Variants in CREB3L1 observed in about 807,000 individuals in gnomAD.
The protein encoded by CREB3L1 is cAMP responsive element binding protein 3 like 1, also known as cyclic AMP-responsive element-binding protein 3-like protein 1.
CREB3L1 carries 33 observed loss-of-function variants against 54.5 expected under a neutral mutation model. The observed-to-expected ratio is 0.61, with a 90% confidence interval of 0.46 to 0.81. CREB3L1 has a LOEUF of 0.81. Ranked by LOEUF, CREB3L1 falls within the 30% of genes least tolerant of loss-of-function variation. CREB3L1 has a pLI of 0.00. For synonymous variants in CREB3L1, 284 were observed against 286.4 expected (o/e 0.99, Z 0.08); for missense variants, 656 against 673.3 (o/e 0.97, Z 0.29).
Position 46,317,393 on chromosome 11 carries a change from C to T in CREB3L1, c.1164C>T (p.Gly388=). Residue 388 remains glycine, a synonymous_variant, in exon 10 of 12, where the codon GGC becomes GGT. Transcript: ENST00000621158. ...CCTTGTGCTTTGTTCTGGTGCTGGGCTCCCTCGTGCCCTGCCTTCCCGAGT... is the reference window on the plus strand; with the variant it reads ...CCTTGTGCTTTGTTCTGGTGCTGGGTTCCCTCGTGCCCTGCCTTCCCGAGT... ...VAALCFVLVL[G]SLVPCLPEFS... The T allele has an allele frequency of 1.2e-6, 2 of 1,613,950 alleles. No individual in the cohort carries two copies. The highest frequency in any genetic ancestry group is 2.2e-5 in the South Asian group (2 of 91,086).
At chr11:46,298,340 C>G (rs535801383) in intron 1 of CREB3L1, among the ~76,000 whole-genome samples, 84 of 152,312 alleles carry the variant, frequency 5.5e-4, no homozygotes, top group African/African-American at 2.0e-3. Context: ...GGCAGCCCCC[C>G]ATCCCCCATC....
Position 46,318,134 on chromosome 11 carries a change from C to A in CREB3L1, c.1258+647C>A, listed in dbSNP as rs544932196. Among the ~76,000 whole-genome samples the A allele has an allele frequency of 3.9e-5, 6 of 152,238 alleles. No individual in the cohort carries two copies. The South Asian group carries it at 1.2e-3, about 32-fold the overall frequency. On this transcript the variant is annotated intron_variant, in intron 10 of 11. Transcript: ENST00000621158. Reference sequence around the variant, plus strand: ...TGAGAGGGGTGAGACAGGAGAATCACTTGAAACTGGGAGGCAGAAGTTGCA... The same window carrying A: ...TGAGAGGGGTGAGACAGGAGAATCAATTGAAACTGGGAGGCAGAAGTTGCA...
chr11:46,293,994 C>T lies in CREB3L1; in HGVS notation c.103-5941C>T, dbSNP rs368929673. 5.9e-5 allele frequency among the ~76,000 whole-genome samples: 9 copies of T among 152,202 alleles called. No individual in the cohort carries two copies. The South Asian group carries it at 1.9e-3, about 32-fold the overall frequency. ...GTGAGGGTATCTGTATGTGTGATAG[C>T]GCCTGTACAAGGCTGCACATGGAAC... On this transcript the variant is annotated intron_variant, in intron 1 of 11. Transcript: ENST00000621158.
Position 46,278,364 on chromosome 11 carries a change from G to C in CREB3L1, c.102+151G>C, listed in dbSNP as rs1231936597. 1.3e-5 allele frequency among the ~76,000 whole-genome samples: 2 copies of C among 152,190 alleles called. No homozygotes were observed. Among genetic ancestry groups the C allele is most frequent in the African/African-American group, 4.8e-5 (2 of 41,464 alleles). ...TCTCCAGGAGCGACATGTGTTTGGA[G>C]CTAAGCGCCCCTCCTGGGGGCTCAA... On this transcript the variant is annotated intron_variant, in intron 1 of 11. Coordinates refer to ENST00000621158, the MANE Select transcript of CREB3L1 (RefSeq NM_052854.4). The surrounding 1 kb of genome is among the most constrained non-coding windows in gnomAD (Gnocchi z 4.2).
At chr11:46,283,050 G>A (rs544950377) in intron 1 of CREB3L1, among the ~76,000 whole-genome samples, 1 of 152,148 alleles carries the variant, frequency 6.6e-6, no homozygotes, top group Admixed American at 6.5e-5. Context: ...AATGAGCCGG[G>A]CATGGTGGCA....
chr11:46,278,150 G>T lies in CREB3L1; in HGVS notation c.39G>T (p.Leu13=). 6.4e-7 allele frequency: 1 copy of T among 1,571,218 alleles called. No individual in the cohort carries two copies. The change falls in exon 1 of 12, where the codon CTG becomes CTT. Residue 13 remains leucine, a synonymous_variant. Transcript: ENST00000621158. This position sits in a 1 kb window ranked among gnomAD's most constrained non-coding sequence, Gnocchi z 4.2. ...AVLEPFPADR[L]FPGSSFLDLG... is the part of the protein sequence containing the mutation. ...TGGAACCCTTCCCGGCCGACAGGCT[G>T]TTCCCCGGATCCAGCTTCCTGGACT...
In CREB3L1 at chr11:46,311,087, C is replaced by T. The variant is rs372951534; in HGVS notation, c.651C>T (p.Asp217=). Residue 217 remains aspartate, a synonymous_variant, in exon 5 of 12, where the codon GAC becomes GAT. Transcript: ENST00000621158. ...TPPSSHGSDS[D]GSQSPRSLPP... ...CCAGCAGCCATGGCAGTGACAGCGACGGCTCCCAGAGTCCCCGCTCTCTGC... is the reference window on the plus strand; with the variant it reads ...CCAGCAGCCATGGCAGTGACAGCGATGGCTCCCAGAGTCCCCGCTCTCTGC... The T allele has an allele frequency of 7.0e-4, 1,120 of 1,609,700 alleles. No homozygotes were observed. The highest frequency in any genetic ancestry group is 8.7e-4 in the Non-Finnish European group (1,028 of 1,178,968).
In CREB3L1 at chr11:46,278,969, C is replaced by T. The variant is rs1938926567; in HGVS notation, c.102+756C>T. Among the ~76,000 whole-genome samples, 1 of 152,158 alleles carries T rather than the reference C, an allele frequency of 6.6e-6. No homozygotes were observed. Among genetic ancestry groups the T allele is most frequent in the Non-Finnish European group, 1.5e-5 (1 of 68,022 alleles). ...CTCTTCCCCTCCCTCCCTAAGGAAA[C>T]GTGGCTTCTCTCTCTTCTTCCCTCC... On this transcript the variant is annotated intron_variant, in intron 1 of 11. Transcript: ENST00000621158. This position sits in a 1 kb window ranked among gnomAD's most constrained non-coding sequence, Gnocchi z 4.2.
chr11:46,313,920 G>T (rs765740141), intron 8 of CREB3L1, among the ~76,000 whole-genome samples: 1 of 152,076 alleles, frequency 6.6e-6, no homozygotes, highest in Admixed American at 6.6e-5. Context: ...CTGTTTCTTC[G>T]TCTAAATGGG....
chr11:46,289,276 G>A (rs61885562), intron 1 of CREB3L1, among the ~76,000 whole-genome samples: 21 of 152,194 alleles, frequency 1.4e-4, no homozygotes, highest in Non-Finnish European at 2.5e-4. Context: ...CTACTTGAGA[G>A]GCTGAGGCAG....
intron 3 of CREB3L1, among the ~76,000 whole-genome samples, chr11:46,308,776 G>C (rs1194364224): frequency 6.6e-6 from 1 of 152,220 alleles, no homozygotes; most frequent in African/African-American, 2.4e-5. Context: ...CTGAAGGCAA[G>C]AAAGGTCAGC....
intron 3 of CREB3L1, among the ~76,000 whole-genome samples, chr11:46,308,514 C>T (rs1939436174): frequency 1.3e-5 from 2 of 152,212 alleles, no homozygotes; most frequent in Admixed American, 6.5e-5. Context: ...AACCCAAGAC[C>T]CCTCTGGGAA....
chr11:46,305,688 A>ATGTG (rs1277805429), intron 2 of CREB3L1, among the ~76,000 whole-genome samples: 18 of 71,860 alleles, frequency 2.5e-4, no homozygotes, highest in South Asian at 9.7e-4. Flanking sequence ...GTGTGTGTAT[A>ATGTG]TATGTGTGTG....
intron 8 of CREB3L1, 70 bp from the exon 9 acceptor site, chr11:46,316,216 A>T (rs1484497468): frequency 1.0e-6 from 1 of 984,016 alleles, no homozygotes; most frequent in Non-Finnish European, 1.6e-6. Context: ...CCAGCCCCCT[A>T]GGAGAGCTCC....
intron 2 of CREB3L1, among the ~76,000 whole-genome samples, chr11:46,300,592 G>A (rs949376889): frequency 2.0e-5 from 3 of 152,202 alleles, no homozygotes; most frequent in Non-Finnish European, 4.4e-5. Flanking sequence ...TGTGGGGCCG[G>A]GTGTGGTGGC....
At chr11:46,292,401 G>C (rs11038853) in intron 1 of CREB3L1, among the ~76,000 whole-genome samples, 2 of 152,166 alleles carry the variant, frequency 1.3e-5, no homozygotes, top group African/African-American at 4.8e-5. Context: ...CAGTCACTCC[G>C]TGAATGCCTG....
At chr11:46,281,594 C>T (rs964693837) in intron 1 of CREB3L1, among the ~76,000 whole-genome samples, 4 of 152,166 alleles carry the variant, frequency 2.6e-5, no homozygotes, top group Admixed American at 1.3e-4. Context: ...GTGGGAGTGA[C>T]GGGGACCCAG....
At chr11:46,310,386 G>A (rs1191178070) in intron 4 of CREB3L1, among the ~76,000 whole-genome samples, 1 of 152,092 alleles carries the variant, frequency 6.6e-6, no homozygotes, top group East Asian at 1.9e-4. Flanking sequence ...TCCTGTCTCA[G>A]CCTCCTAAGT....
chr11:46,292,874 G>A (rs1301548947), intron 1 of CREB3L1, among the ~76,000 whole-genome samples: 2 of 151,906 alleles, frequency 1.3e-5, no homozygotes, highest in Non-Finnish European at 2.9e-5. Flanking sequence ...TTCCCACCTT[G>A]GCCTTCCAAA....
Sources: gnomAD v4.1 joint callset for allele counts (sites outside exome capture counted in the v4.1 genomes callset) on GRCh38, gnomAD v4.1.1 for gene constraint, Gnocchi (gnomAD v3.1) non-coding constraint, MANE v1.5 for transcripts, NCBI Gene and HGNC (gene_info 2026-07-23, HGNC 2026-07-21) for gene names.